PCDHA2: variants seen among roughly 807,000 people sequenced by gnomAD.
The protein encoded by PCDHA2 is protocadherin alpha-2.
A neutral mutation model predicts 66.0 loss-of-function variants in PCDHA2; 58 were observed. That is an observed-to-expected ratio of 0.88 (90% CI 0.71 to 1.09). The LOEUF (loss-of-function observed/expected upper bound fraction) is 1.09. Ranked by LOEUF, PCDHA2 falls within the 50% of genes least tolerant of loss-of-function variation. The probability of loss-of-function intolerance (pLI) is 0.00; values close to 1 mark genes in which losing one functional copy is unlikely to be tolerated. For synonymous variants in PCDHA2, 634 were observed against 554.0 expected (o/e 1.14, Z -2.03); for missense variants, 1,267 against 1,242.3 (o/e 1.02, Z -0.30).
chr5:140,919,694 ATTAAC>A (rs1313954013), intron 1 of PCDHA2, among the ~76,000 whole-genome samples: 5 of 152,200 alleles, frequency 3.3e-5, no homozygotes, highest in Non-Finnish European at 7.3e-5. Context: ...TCAGATTTAT[ATTAAC>A]TTAATTCTAG....
At chr5:140,804,831 C>T (rs1763466873) in intron 1 of PCDHA2, 1 of 409,854 alleles carries the variant, frequency 2.4e-6, no homozygotes, top group South Asian at 4.8e-5. Flanking sequence ...GGTTAATACT[C>T]ATTGACAGTG....
chr5:140,869,178 G>T (rs200717410), intron 1 of PCDHA2: 1 of 1,613,988 alleles, frequency 6.2e-7, no homozygotes, highest in East Asian at 2.2e-5. Flanking sequence ...AATTCTGGGA[G>T]GTGGGGAGCG....
chr5:140,802,820 C>T lies in PCDHA2; in HGVS notation c.2388+5468C>T, dbSNP rs1554122388. 4.3e-6 allele frequency: 7 copies of T among 1,613,422 alleles called. No individual in the cohort carries two copies. The Admixed American group carries it at 8.3e-5, about 19-fold the overall frequency. The stretch of plus-strand genomic sequence containing the variant: ...TCCAGGTGAGTGCGCGCGATGCGGG[C>T]GTGCCGCCTCTGGGCAGCAACGTGA... On this transcript the variant is annotated intron_variant, in intron 1 of 3. Coordinates refer to ENST00000526136, the MANE Select transcript of PCDHA2 (RefSeq NM_018905.3).
chr5:140,922,158 A>G (rs1318778340), intron 1 of PCDHA2, among the ~76,000 whole-genome samples: 1 of 149,104 alleles, frequency 6.7e-6, no homozygotes, highest in South Asian at 2.2e-4. Flanking sequence ...CATCAAAAAC[A>G]ACAAAAAGTA....
intron 3 of PCDHA2, among the ~76,000 whole-genome samples, chr5:140,995,409 A>G (rs1056120944): frequency 2.6e-4 from 39 of 152,210 alleles, no homozygotes; most frequent in Admixed American, 6.5e-5. Flanking sequence ...TCGAGATTTC[A>G]TCACATTACT....
At chr5:140,902,473 T>A (rs2069483138) in intron 1 of PCDHA2, among the ~76,000 whole-genome samples, 1 of 152,208 alleles carries the variant, frequency 6.6e-6, no homozygotes, top group African/African-American at 2.4e-5. Context: ...CTTTGAGTTT[T>A]TGCCTGCTCA....
At chr5:140,895,964 C>T (rs2065282764) in intron 1 of PCDHA2, among the ~76,000 whole-genome samples, 2 of 152,120 alleles carry the variant, frequency 1.3e-5, no homozygotes, top group South Asian at 4.1e-4. Flanking sequence ...GTGCCTGTCA[C>T]CAGGCCTAGC....
At chr5:140,949,657 T>G (rs908826690) in intron 1 of PCDHA2, among the ~76,000 whole-genome samples, 2 of 151,876 alleles carry the variant, frequency 1.3e-5, no homozygotes, top group Non-Finnish European at 3.0e-5. Flanking sequence ...TTTACTTTTG[T>G]TTCTTTAAAG....
rs115221257 is a variant in PCDHA2 at position 140,951,407 on chromosome 5, A to G, written c.2389-27542A>G. On this transcript the variant is annotated intron_variant, in intron 1 of 3. Transcript: ENST00000526136. ...GGTAATTTATAAAGAAAAGAGGTTTAATTGGCTCACAGTTCCACAGGCTGT... is the reference window on the plus strand; with the variant it reads ...GGTAATTTATAAAGAAAAGAGGTTTGATTGGCTCACAGTTCCACAGGCTGT... Among the ~76,000 whole-genome samples the G allele has an allele frequency of 4.7e-3, 715 of 152,182 alleles. 3 individuals are homozygous for G. Among genetic ancestry groups the G allele is most frequent in the African/African-American group, 0.015 (625 of 41,530 alleles).
intron 1 of PCDHA2, chr5:140,875,665 C>A: frequency 6.2e-7 from 1 of 1,613,748 alleles, no homozygotes; most frequent in Non-Finnish European, 8.5e-7. Flanking sequence ...GCGCCTGTTC[C>A]GGGTGGCGTC....
chr5:140,871,007 C>T (rs1554164969), intron 1 of PCDHA2: 1 of 1,613,314 alleles, frequency 6.2e-7, no homozygotes, highest in South Asian at 1.1e-5. Context: ...ACAACGCGTG[C>T]CCTGGACGAG....
At chr5:140,882,545 G>C (rs1174281421) in intron 1 of PCDHA2, 1 of 1,614,120 alleles carries the variant, frequency 6.2e-7, no homozygotes, top group African/African-American at 1.3e-5. Flanking sequence ...GATCGACCGC[G>C]AGGAGCTGTG....
chr5:140,802,415 A>G lies in PCDHA2; in HGVS notation c.2388+5063A>G, dbSNP rs782635659. 3.0e-5 allele frequency: 49 copies of G among 1,614,056 alleles called. No individual in the cohort carries two copies. The Admixed American group carries it at 6.0e-4, about 20-fold the overall frequency. ...TGTCCACCTTCAAGAATTACTACTC[A>G]TTGGTGCTGGACAGCCCTCTGGACC... On this transcript the variant is annotated intron_variant, in intron 1 of 3. Transcript: ENST00000526136.
Position 140,795,254 on chromosome 5 carries a change from G to T in PCDHA2, c.290G>T (p.Gly97Val), listed in dbSNP as rs1554119334. Residue 97 changes from glycine (G) to valine (V), a missense_variant, in exon 1 of 4, where the codon GGG becomes GTG. Transcript: ENST00000526136. ...NSRIDREELC[G>V]RSAECSIHVE... ...CGGATCGACCGGGAGGAGCTGTGCG[G>T]GCGGAGCGCGGAATGTAGCATCCAC... 1.2e-6 allele frequency: 2 copies of T among 1,614,250 alleles called. No individual in the cohort carries two copies. Among genetic ancestry groups the T allele is most frequent in the South Asian group, 2.2e-5 (2 of 91,068 alleles).
intron 1 of PCDHA2, among the ~76,000 whole-genome samples, chr5:140,926,128 C>CGCAGCAGGATCCAGCGCGGAAAGCTCT (rs1157627097): frequency 6.6e-6 from 1 of 152,162 alleles, no homozygotes; most frequent in Non-Finnish European, 1.5e-5. Context: ...GACTTCAACC[C>CGCAGCAGGATCCAGCGCGGAAAGCTCT]GCAGCAGGAT....
chr5:140,864,629 A>G (rs2048549336), intron 1 of PCDHA2: 1 of 152,244 alleles, frequency 6.6e-6, no homozygotes, highest in Non-Finnish European at 1.5e-5. Context: ...TAAAAAGAAA[A>G]CAAAACAAAA....
At chr5:140,919,876 G>A (rs2079336654) in intron 1 of PCDHA2, among the ~76,000 whole-genome samples, 1 of 152,174 alleles carries the variant, frequency 6.6e-6, no homozygotes, top group Non-Finnish European at 1.5e-5. Flanking sequence ...AGTCTTTGAA[G>A]ACATAATTAT....
intron 3 of PCDHA2, among the ~76,000 whole-genome samples, chr5:140,985,892 A>G (rs2097176300): frequency 1.3e-5 from 2 of 151,830 alleles, no homozygotes; most frequent in Non-Finnish European, 2.9e-5. Flanking sequence ...GGCGCCCGCC[A>G]CCACTCCCGT....
intron 1 of PCDHA2, chr5:140,828,073 A>T: frequency 2.6e-6 from 4 of 1,567,184 alleles, no homozygotes; most frequent in Non-Finnish European, 3.5e-6. Context: ...TAATGGAAAT[A>T]AAACCAGAGG....
Sources: gnomAD v4.1 joint callset for allele counts (sites outside exome capture counted in the v4.1 genomes callset) on GRCh38, gnomAD v4.1.1 for gene constraint, MANE v1.5 for transcripts, NCBI Gene and HGNC (gene_info 2026-07-23, HGNC 2026-07-21) for gene names.